Variants in ZNF365 observed in about 807,000 individuals in gnomAD.
ZNF365 encodes the protein zinc finger protein 365, also known as protein ZNF365.
Under a neutral mutation model 35.0 loss-of-function variants are expected in ZNF365, and 22 were observed. That is an observed-to-expected ratio of 0.63 (90% confidence interval 0.45 to 0.90). The LOEUF (loss-of-function observed/expected upper bound fraction) is 0.90, where lower values mean the gene tolerates loss of function less well. Ranked by LOEUF, ZNF365 falls within the 40% of genes least tolerant of loss-of-function variation. The probability of loss-of-function intolerance (pLI) is 0.00; values close to 1 mark genes in which losing one functional copy is unlikely to be tolerated. For missense variants in ZNF365, 448 were observed against 500.3 expected (o/e 0.90, Z 1.00); for synonymous variants, 188 against 196.2 (o/e 0.96, Z 0.35).
At chr10:62,379,545 G>A (rs1437144225) in intron 2 of ZNF365, among the ~76,000 whole-genome samples, 2 of 151,952 alleles carry the variant, frequency 1.3e-5, no homozygotes, top group Non-Finnish European at 2.9e-5. Context: ...AAGTGGGACT[G>A]AAAGAGTCTT....
intron 4 of ZNF365, among the ~76,000 whole-genome samples, chr10:62,462,082 G>A (rs554123350): frequency 2.0e-5 from 3 of 152,078 alleles, no homozygotes; most frequent in South Asian, 4.1e-4. Context: ...GGCATGCATC[G>A]GAGTACTTTG....
intron 4 of ZNF365, among the ~76,000 whole-genome samples, chr10:62,470,531 C>G (rs1841016666): frequency 6.6e-6 from 1 of 152,200 alleles, no homozygotes; most frequent in Non-Finnish European, 1.5e-5. Context: ...AGCCTATGTC[C>G]TTGATGCTTT....
chr10:62,471,014 GT>G (rs1841025063), intron 4 of ZNF365, among the ~76,000 whole-genome samples: 2 of 150,800 alleles, frequency 1.3e-5, no homozygotes, highest in South Asian at 4.2e-4. Context: ...CTTTAAAAAT[GT>G]TTAAAACCTC....
intron 3 of ZNF365, among the ~76,000 whole-genome samples, chr10:62,447,403 G>A (rs905262041): frequency 6.6e-6 from 1 of 152,136 alleles, no homozygotes; most frequent in South Asian, 2.1e-4. Context: ...TCTAGCAAAT[G>A]GTTGAAAGCT....
intron 2 of ZNF365, among the ~76,000 whole-genome samples, chr10:62,386,741 T>C (rs1021308417): frequency 6.6e-6 from 1 of 152,172 alleles, no homozygotes. Flanking sequence ...AAAGATCTTA[T>C]GTAAAACTCT....
At chr10:62,474,618 T>C (rs1169360669) in intron 4 of ZNF365, among the ~76,000 whole-genome samples, 1 of 152,190 alleles carries the variant, frequency 6.6e-6, no homozygotes, top group Non-Finnish European at 1.5e-5. Context: ...ACAGTGTTCA[T>C]GGTCTCAACT....
At chr10:62,443,318 C>A (rs1199755185) in intron 3 of ZNF365, among the ~76,000 whole-genome samples, 2 of 152,166 alleles carry the variant, frequency 1.3e-5, no homozygotes, top group African/African-American at 2.4e-5. Flanking sequence ...AAACTGGAGA[C>A]AAACAGAGAC....
chr10:62,415,783 A>T lies in ZNF365; in HGVS notation c.924+27207A>T, dbSNP rs1481051907. ...CCTCAAGACCACATACTTTGCTGGT[A>T]TTTAGTTTTAACAGCAGTCTGGGAA... On this transcript the variant is annotated intron_variant, in intron 3 of 4. Transcript: ENST00000395255. Among the ~76,000 whole-genome samples, 5 of 152,092 alleles carry T rather than the reference A, an allele frequency of 3.3e-5. No homozygotes were observed. In the East Asian group the frequency reaches 9.6e-4, roughly 29 times the overall value.
At position 62,402,435 on chromosome 10, in the gene ZNF365, C is replaced by A; in HGVS notation, c.*2646C>A. On this transcript the variant is annotated 3_prime_UTR_variant, in exon 5 of 5. Coordinates refer to ENST00000395254, the MANE Select transcript of ZNF365 (RefSeq NM_014951.3). Reference sequence around the variant, plus strand: ...ATTATGAAATATTATGATAATAAAGCTATATTTCTGACTAATGTGTTGATA... The same window carrying A: ...ATTATGAAATATTATGATAATAAAGATATATTTCTGACTAATGTGTTGATA... 1 of 985,008 alleles carries A rather than the reference C, an allele frequency of 1.0e-6. No homozygotes were observed. Among genetic ancestry groups the A allele is most frequent in the Non-Finnish European group, 1.2e-6 (1 of 829,544 alleles). 61.0% of individuals were successfully genotyped at this position (985,008 alleles called of 1,614,324 possible). A position where few individuals can be genotyped will look rare whatever the true frequency, so the allele number is the denominator to read the frequency against.
intron 3 of ZNF365, among the ~76,000 whole-genome samples, chr10:62,446,146 G>A (rs1840584599): frequency 6.6e-6 from 1 of 152,200 alleles, no homozygotes; most frequent in South Asian, 2.1e-4. Flanking sequence ...GTTCTCAGGA[G>A]TCCCGCAGTT....
At chr10:62,410,596 T>TATA (rs757873319) in intron 3 of ZNF365, among the ~76,000 whole-genome samples, 103 of 152,246 alleles carry the variant, frequency 6.8e-4, no homozygotes, top group Non-Finnish European at 1.3e-4. Context: ...AGCTCCAACT[T>TATA]ATAAGTGAGA....
intron 4 of ZNF365, among the ~76,000 whole-genome samples, chr10:62,479,320 G>A (rs183538885): frequency 6.6e-6 from 1 of 152,268 alleles, no homozygotes; most frequent in African/African-American, 2.4e-5. Flanking sequence ...TAATTTTAGA[G>A]TCAACATATA....
chr10:62,399,875 T>G lies in ZNF365; in HGVS notation c.*86T>G. 6.7e-7 allele frequency: 1 copy of G among 1,482,644 alleles called. No homozygotes were observed. Among genetic ancestry groups the G allele is most frequent in the Middle Eastern group, 2.5e-4 (1 of 4,030 alleles). The allele number at this position is 1,482,644 out of a possible 1,614,324, so 91.8% of individuals were successfully genotyped here. A position where few individuals can be genotyped will look rare whatever the true frequency, so the allele number is the denominator to read the frequency against. On this transcript the variant is annotated 3_prime_UTR_variant, in exon 5 of 5. Transcript: ENST00000395254. ...AACAGTAATGTCTTTCTGGAAACATTCCATAGTAAGACACATTGGAAAAGC... is the reference window on the plus strand; with the variant it reads ...AACAGTAATGTCTTTCTGGAAACATGCCATAGTAAGACACATTGGAAAAGC...
chr10:62,420,312 A>T (rs1007675059), intron 3 of ZNF365, among the ~76,000 whole-genome samples: 1 of 152,212 alleles, frequency 6.6e-6, no homozygotes, highest in Non-Finnish European at 1.5e-5. Context: ...TGCTTGTAAA[A>T]ACATTTGGGA....
intron 3 of ZNF365, among the ~76,000 whole-genome samples, chr10:62,448,666 AG>A (rs1368816083): frequency 1.3e-5 from 2 of 152,148 alleles, no homozygotes; most frequent in Non-Finnish European, 1.5e-5. Flanking sequence ...CCAAGTGCAG[AG>A]GGCTTACGAA....
chr10:62,472,919 C>T (rs574199631), intron 4 of ZNF365, among the ~76,000 whole-genome samples: 1 of 152,300 alleles, frequency 6.6e-6, no homozygotes, highest in Admixed American at 6.5e-5. Flanking sequence ...AAAACAGAGT[C>T]TCCTCAGCTG....
intron 2 of ZNF365, among the ~76,000 whole-genome samples, chr10:62,381,095 C>T (rs1339940572): frequency 1.3e-5 from 2 of 151,986 alleles, no homozygotes; most frequent in Non-Finnish European, 2.9e-5. Context: ...TGAGAAGTGC[C>T]TCAATATAAG....
At chr10:62,457,961 C>T (rs1268500016) in intron 3 of ZNF365, among the ~76,000 whole-genome samples, 1 of 152,178 alleles carries the variant, frequency 6.6e-6, no homozygotes, top group East Asian at 1.9e-4. Flanking sequence ...ATGCCAAATA[C>T]CATACAACAA....
downstream of ZNF365, among the ~76,000 whole-genome samples, chr10:62,404,993 G>C (rs138414488): frequency 8.7e-4 from 133 of 152,306 alleles, no homozygotes; most frequent in Admixed American, 2.4e-3. Context: ...CTCTCAGCAG[G>C]TGGAGAAACA....
Sources: gnomAD v4.1 joint callset for allele counts (sites outside exome capture counted in the v4.1 genomes callset) on GRCh38, gnomAD v4.1.1 for gene constraint, MANE v1.5 for transcripts, NCBI Gene and HGNC (gene_info 2026-07-23, HGNC 2026-07-21) for gene names.